The following RXFP1 variants were observed in gnomAD, a reference collection of about 807,000 sequenced individuals.
RXFP1 encodes the protein relaxin receptor 1.
A neutral mutation model predicts 89.8 loss-of-function variants in RXFP1; 73 were observed. The observed-to-expected ratio is 0.81, with a 90% CI of 0.67 to 0.99. The LOEUF is 0.99. Ranked by LOEUF, RXFP1 falls within the 50% of genes least tolerant of loss-of-function variation. The pLI is 0.00. For synonymous variants in RXFP1, 277 were observed against 305.5 expected, an observed-to-expected ratio of 0.91 and a Z score of 0.97; for missense variants, 793 against 895.5, an observed-to-expected ratio of 0.89 and a Z score of 1.46.
rs146773104 is a variant in RXFP1, at chr4:158,623,972, C to A, written c.756-2848C>A. Among the ~76,000 whole-genome samples, 794 of 152,208 alleles carry A rather than the reference C, an allele frequency of 5.2e-3. 1 individual carries two copies. Among genetic ancestry groups the A allele is most frequent in the Non-Finnish European group, 8.0e-3 (542 of 68,008 alleles). ...ACCATATCAGCCCTGAACTGCCCAA[C>A]TCTAGATTTTTTTTTCCTGGGGGGA... On this transcript the variant is annotated intron_variant, in intron 9 of 17. Transcript: ENST00000307765.
At chr4:158,647,312 C>A in intron 16 of RXFP1, 111 bp downstream of exon 16, 1 of 862,146 alleles carries the variant, frequency 1.2e-6, no homozygotes, top group Non-Finnish European at 1.7e-6. Context: ...AAGGATTTTC[C>A]TCCCCAAATT....
chr4:158,603,281 A>C (rs1762018923), intron 4 of RXFP1, among the ~76,000 whole-genome samples: 1 of 152,218 alleles, frequency 6.6e-6, no homozygotes, highest in Non-Finnish European at 1.5e-5. Context: ...ACACAATATA[A>C]ACATTTAAAC....
At chr4:158,548,947 A>T (rs1352995510) in intron 1 of RXFP1, among the ~76,000 whole-genome samples, 4 of 151,624 alleles carry the variant, frequency 2.6e-5, no homozygotes, top group South Asian at 2.1e-4. Context: ...GCTCTTCTCG[A>T]GGAGTATCTT....
At chr4:158,585,664 C>T (rs1435252687) in intron 2 of RXFP1, among the ~76,000 whole-genome samples, 2 of 151,748 alleles carry the variant, frequency 1.3e-5, no homozygotes, top group African/African-American at 4.8e-5. Context: ...ACATTTTGAG[C>T]TGGATGATAA....
intron 2 of RXFP1, among the ~76,000 whole-genome samples, chr4:158,583,175 T>C (rs1470043478): frequency 6.6e-6 from 1 of 152,234 alleles, no homozygotes; most frequent in African/African-American, 2.4e-5. Context: ...TACTTATTTA[T>C]GGGTGTGATG....
chr4:158,606,023 G>C (rs1469595859), intron 5 of RXFP1, among the ~76,000 whole-genome samples: 3 of 152,298 alleles, frequency 2.0e-5, no homozygotes, highest in Middle Eastern at 3.4e-3. Flanking sequence ...GTCTGCAGAA[G>C]TATCTATTTC....
intron 9 of RXFP1, among the ~76,000 whole-genome samples, chr4:158,623,502 C>CAAAAAAAAAAAAAAAAAA (rs56692438): frequency 8.9e-4 from 38 of 42,632 alleles, no homozygotes; most frequent in African/African-American, 1.3e-3. Context: ...AACTCCATCT[C>CAAAAAAAAAAAAAAAAAA]AAAAAAAAAA....
chr4:158,575,036 T>G (rs1755916596), intron 2 of RXFP1, among the ~76,000 whole-genome samples: 1 of 152,160 alleles, frequency 6.6e-6, no homozygotes, highest in African/African-American at 2.4e-5. Flanking sequence ...ACAGGAAAAC[T>G]TCACTCCAAT....
intron 9 of RXFP1, among the ~76,000 whole-genome samples, chr4:158,626,125 TA>T (rs1482578190): frequency 2.2e-5 from 3 of 133,556 alleles, no homozygotes; most frequent in Non-Finnish European, 5.0e-5. Context: ...GATAGATAGA[TA>T]GATAGATAGA....
chr4:158,621,057 G>T (rs891089939), intron 9 of RXFP1, among the ~76,000 whole-genome samples: 6 of 152,150 alleles, frequency 3.9e-5, no homozygotes, highest in Non-Finnish European at 8.8e-5. Flanking sequence ...AGAATCACTT[G>T]AATCCTGGAG....
At chr4:158,550,274 G>A (rs1442086236) in intron 1 of RXFP1, among the ~76,000 whole-genome samples, 1 of 152,236 alleles carries the variant, frequency 6.6e-6, no homozygotes, top group Non-Finnish European at 1.5e-5. Flanking sequence ...TAATCTCCTG[G>A]TGTGCCATTT....
chr4:158,536,953 C>T (rs538645967), intron 1 of RXFP1, among the ~76,000 whole-genome samples: 21 of 151,830 alleles, frequency 1.4e-4, no homozygotes, highest in African/African-American at 3.4e-4. Flanking sequence ...ATGGAATGCA[C>T]AAAGTTTTGT....
intron 1 of RXFP1, among the ~76,000 whole-genome samples, chr4:158,555,495 A>G (rs771715800): frequency 1.3e-5 from 2 of 152,220 alleles, no homozygotes; most frequent in Non-Finnish European, 2.9e-5. Flanking sequence ...TTTGAATTAC[A>G]TTGGGACCCA....
At chr4:158,591,192 C>A (rs2150061239) in intron 2 of RXFP1, among the ~76,000 whole-genome samples, 1 of 152,276 alleles carries the variant, frequency 6.6e-6, no homozygotes, top group Non-Finnish European at 1.5e-5. Flanking sequence ...CGAAAGCATT[C>A]TAAAGTGGGG....
intron 11 of RXFP1, among the ~76,000 whole-genome samples, chr4:158,631,846 A>G (rs1208986975): frequency 6.6e-6 from 1 of 152,172 alleles, no homozygotes; most frequent in African/African-American, 2.4e-5. Flanking sequence ...TAATCCCAGC[A>G]CTTTGGGAGG....
intron 8 of RXFP1, among the ~76,000 whole-genome samples, chr4:158,616,157 C>T (rs1445670554): frequency 6.6e-6 from 1 of 152,114 alleles, no homozygotes; most frequent in Non-Finnish European, 1.5e-5. Flanking sequence ...TGCAGTGGCT[C>T]ACACCTGTAA....
At chr4:158,609,811 T>C (rs1763227829) in intron 6 of RXFP1, among the ~76,000 whole-genome samples, 1 of 152,240 alleles carries the variant, frequency 6.6e-6, no homozygotes, top group Non-Finnish European at 1.5e-5. Flanking sequence ...CTGTCTTCTT[T>C]CCATATATCT....
chr4:158,565,037 T>A (rs780520128), intron 1 of RXFP1, among the ~76,000 whole-genome samples: 13 of 152,082 alleles, frequency 8.5e-5, no homozygotes, highest in Non-Finnish European at 1.5e-5. Context: ...AATTTCGGAG[T>A]TCCACTGGGG....
intron 9 of RXFP1, among the ~76,000 whole-genome samples, chr4:158,620,116 A>G (rs1765334892): frequency 2.6e-5 from 4 of 152,252 alleles, no homozygotes; most frequent in African/African-American, 4.8e-5. Flanking sequence ...GATGGATAAT[A>G]TGCACGAACA....
Sources: allele counts gnomAD v4.1 joint callset (sites outside exome capture counted in the v4.1 genomes callset), GRCh38; gene constraint gnomAD v4.1.1; transcripts MANE v1.5; gene names NCBI Gene and HGNC (gene_info 2026-07-23, HGNC 2026-07-21).